PIP4K2C: variants seen among roughly 807,000 people sequenced by gnomAD.
PIP4K2C encodes the protein phosphatidylinositol-5-phosphate 4-kinase type 2 gamma.
PIP4K2C carries 21 observed loss-of-function variants against 45.0 expected under a neutral mutation model. The observed-to-expected ratio is 0.47, with a 90% CI of 0.33 to 0.67. The LOEUF (loss-of-function observed/expected upper bound fraction) is 0.67. PIP4K2C is among the 30% of genes least tolerant of loss of function. PIP4K2C has a pLI of 0.02. For synonymous variants in PIP4K2C, 201 were observed against 204.8 expected (o/e 0.98, Z 0.16); for missense variants, 456 against 542.8 (o/e 0.84, Z 1.59).
At chr12:57,593,013 G>A (rs1351804358) in intron 1 of PIP4K2C, among the ~76,000 whole-genome samples, 1 of 151,564 alleles carries the variant, frequency 6.6e-6, no homozygotes, top group Non-Finnish European at 1.5e-5. Flanking sequence ...GCAGTTCATA[G>A]CCTCTGTGGA....
intron 1 of PIP4K2C, among the ~76,000 whole-genome samples, chr12:57,592,857 A>G (rs537193085): frequency 1.3e-5 from 2 of 151,236 alleles, no homozygotes; most frequent in African/African-American, 2.4e-5. Flanking sequence ...AGGAGGGGGC[A>G]GGAGGAGCTA....
chr12:57,599,565 C>A, intron 6 of PIP4K2C, 127 bp downstream of exon 6: 1 of 1,092,242 alleles, frequency 9.2e-7, no homozygotes, highest in Non-Finnish European at 1.4e-6. Context: ...TTATCTTAAA[C>A]CACTTAAAAG....
In PIP4K2C at chr12:57,601,606, A is replaced by G. The variant is rs1428808477; in HGVS notation, c.1266A>G (p.Ter422=). Residue 422 remains the stop codon, a stop_retained_variant, in exon 10 of 10, where the codon TAA becomes TAG. Transcript: ENST00000354947. ...ATTTTATTACCAACATCTTTGCCTA[A>G]GAGACTGCCTGGTTCTCTCTGATGT... ...FLDFITNIFA[*] is the part of the protein sequence containing the mutation. The G allele has an allele frequency of 2.5e-6, 4 of 1,603,778 alleles. No individual in the cohort carries two copies. The highest frequency in any genetic ancestry group is 8.5e-7 in the Non-Finnish European group (1 of 1,170,752).
rs756416802 is a variant in PIP4K2C at position 57,601,339 on chromosome 12, C to T, written c.1176C>T (p.Val392=). Residue 392 remains valine, a synonymous_variant, in exon 9 of 10, where the codon GTC becomes GTT. Transcript: ENST00000354947. ...KKKAAHAAKT[V]KHGAGAEIST... ...AAGCAGCTCATGCAGCCAAAACTGTCAAGCATGGGGTGAGAGTTCGCAAAA... is the reference window on the plus strand; with the variant it reads ...AAGCAGCTCATGCAGCCAAAACTGTTAAGCATGGGGTGAGAGTTCGCAAAA... 5 of 1,612,502 alleles carry T rather than the reference C, an allele frequency of 3.1e-6. No individual in the cohort carries two copies. Among genetic ancestry groups the T allele is most frequent in the Admixed American group, 1.7e-5 (1 of 59,966 alleles).
chr12:57,600,503 T>C, intron 7 of PIP4K2C, 66 bp downstream of exon 7: 2 of 1,102,976 alleles, frequency 1.8e-6, no homozygotes, highest in Non-Finnish European at 2.7e-6. Context: ...GTTGTCTCTT[T>C]CATTCACGGT....
intron 1 of PIP4K2C, 107 bp from the exon 2 acceptor site, chr12:57,593,918 G>A: frequency 1.5e-6 from 1 of 685,168 alleles, no homozygotes; most frequent in Non-Finnish European, 2.5e-6. Flanking sequence ...TGTTTTTAAA[G>A]GAATGAGGTC....
rs778386138 is a variant in PIP4K2C at position 57,601,348 on chromosome 12, G to T, written c.1185G>T (p.Gly395=). Residue 395 remains glycine, a splice_region_variant and synonymous_variant, in exon 9 of 10, where the codon GGG becomes GGT. Transcript: ENST00000354947. ...AAHAAKTVKH[G]AGAEISTVHP... ...ATGCAGCCAAAACTGTCAAGCATGG[G>T]GTGAGAGTTCGCAAAAGCCTTTCCT... 2.5e-6 allele frequency: 4 copies of T among 1,610,104 alleles called. No homozygotes were observed. In the Admixed American group the frequency reaches 6.7e-5, roughly 27 times the overall value.
At chr12:57,597,508 T>A (rs1883242082) in intron 4 of PIP4K2C, among the ~76,000 whole-genome samples, 1 of 152,142 alleles carries the variant, frequency 6.6e-6, no homozygotes, top group Non-Finnish European at 1.5e-5. Context: ...CAGTAAGTGG[T>A]TGGGGTATGT....
In PIP4K2C at chr12:57,591,481, AC is replaced by A. The variant is rs774256997; in HGVS notation, c.174+23del. 4 of 1,599,208 alleles carry A rather than the reference AC, an allele frequency of 2.5e-6. No homozygotes were observed. The highest frequency in any genetic ancestry group is 1.7e-5 in the Admixed American group (1 of 59,052). ...CCCACTCGGTGAGAACCAGCCCTAG[AC>A]CCCCGCAGCCCTGTCCAAACCCCTC... is the stretch of plus-strand genomic sequence containing the variant. On this transcript the variant is annotated intron_variant, in intron 1 of 9. Transcript: ENST00000354947.
Position 57,601,722 on chromosome 12 carries a change from G to C in PIP4K2C, c.*116G>C. On this transcript the variant is annotated 3_prime_UTR_variant, in exon 10 of 10. Coordinates refer to ENST00000354947, the MANE Select transcript of PIP4K2C (RefSeq NM_024779.5). ...CTTCCTTTGCTAAATTCAGGCTGCA[G>C]GCTCCTTCCATCCAGATAACTCCAT... The C allele has an allele frequency of 2.2e-6, 2 of 890,842 alleles. No homozygotes were observed. Among genetic ancestry groups the C allele is most frequent in the Non-Finnish European group, 3.7e-6 (2 of 535,184 alleles). 55.2% of individuals were successfully genotyped at this position (890,842 alleles called of 1,614,324 possible).
intron 3 of PIP4K2C, 61 bp from the exon 4 acceptor site, chr12:57,595,827 A>G (rs971401549): frequency 1.2e-5 from 19 of 1,575,912 alleles, no homozygotes; most frequent in Non-Finnish European, 1.6e-5. Flanking sequence ...CCATTTTCCT[A>G]TGACTTGTTT....
rs759170288 is a variant in PIP4K2C, at chr12:57,600,950, C to A, written c.953C>A (p.Pro318His). The A allele has an allele frequency of 1.2e-5, 20 of 1,614,090 alleles. No homozygotes were observed. The highest frequency in any genetic ancestry group is 1.7e-5 in the Non-Finnish European group (20 of 1,180,052). Reference sequence around the variant, plus strand: ...GATGGGGACTGCAGCCTGACTGGACCTCCTGCTCTGGTGGGCTCCTATGGC... The same window carrying A: ...GATGGGGACTGCAGCCTGACTGGACATCCTGCTCTGGTGGGCTCCTATGGC... ...EVDGDCSLTGPPALVGSYGTS... is the reference protein window; with the variant it reads ...EVDGDCSLTGHPALVGSYGTS... Residue 318 changes from proline (P) to histidine (H), a missense_variant, in exon 8 of 10, where the codon CCT (proline) becomes CAT (histidine). Coordinates refer to ENST00000354947, the MANE Select transcript of PIP4K2C (RefSeq NM_024779.5).
chr12:57,596,502 T>TA (rs1883202098), intron 4 of PIP4K2C, among the ~76,000 whole-genome samples: 1 of 90,630 alleles, frequency 1.1e-5, no homozygotes, highest in South Asian at 5.4e-4. Flanking sequence ...AAAAAAAAGA[T>TA]TAAAAAAAAA....
chr12:57,598,998 C>T (rs1883309209), intron 4 of PIP4K2C, 67 bp from the exon 5 acceptor site: 1 of 1,532,270 alleles, frequency 6.5e-7, no homozygotes, highest in African/African-American at 1.4e-5. Context: ...AGTGTTTGAA[C>T]TTCCCTGGGC....
At chr12:57,591,597 A>C in intron 1 of PIP4K2C, 134 bp downstream of exon 1, 4 of 1,003,722 alleles carry the variant, frequency 4.0e-6, no homozygotes, top group Non-Finnish European at 5.6e-6. Flanking sequence ...GTCCCTGCCC[A>C]CCAACCCCAG....
Position 57,601,941 on chromosome 12 carries a change from G to T in PIP4K2C, c.*335G>T. The T allele has an allele frequency of 3.3e-6, 1 of 300,984 alleles. No individual in the cohort carries two copies. The highest frequency in any genetic ancestry group is 6.3e-6 in the Non-Finnish European group (1 of 157,820). 18.6% of individuals were successfully genotyped at this position (300,984 alleles called of 1,614,324 possible). ...TATGATATAGGAGCTAGGGGAAGGGGGTTGTTTGCCTTCTTCAGGACCTGA... is the reference window on the plus strand; with the variant it reads ...TATGATATAGGAGCTAGGGGAAGGGTGTTGTTTGCCTTCTTCAGGACCTGA... On this transcript the variant is annotated 3_prime_UTR_variant, in exon 10 of 10. Transcript: ENST00000354947.
chr12:57,601,752 T>C lies in PIP4K2C; in HGVS notation c.*146T>C. On this transcript the variant is annotated 3_prime_UTR_variant, in exon 10 of 10. Coordinates refer to ENST00000354947, the MANE Select transcript of PIP4K2C (RefSeq NM_024779.5). ...CTTCCATCCAGATAACTCCATCCTG[T>C]CGAGTAGGCTCTTTCTGACCCTCAG... 1.5e-6 allele frequency: 1 copy of C among 688,756 alleles called. No homozygotes were observed. Among genetic ancestry groups the C allele is most frequent in the Non-Finnish European group, 2.6e-6 (1 of 388,560 alleles). 42.7% of individuals were successfully genotyped at this position (688,756 alleles called of 1,614,324 possible).
intron 1 of PIP4K2C, among the ~76,000 whole-genome samples, chr12:57,593,696 T>G (rs1883066466): frequency 1.8e-5 from 2 of 111,304 alleles, no homozygotes; most frequent in African/African-American, 3.2e-5. Flanking sequence ...TTTTTTTTTT[T>G]TTTTTTTTTT....
At position 57,601,070 on chromosome 12, in the gene PIP4K2C, G is replaced by A. The variant is rs1386925722; in HGVS notation, c.1073G>A (p.Ser358Asn). 1 of 1,612,890 alleles carries A rather than the reference G, an allele frequency of 6.2e-7. No individual in the cohort carries two copies. The highest frequency in any genetic ancestry group is 2.2e-5 in the East Asian group (1 of 44,858). The change falls in exon 8 of 10, where the codon AGT (serine) becomes AAT (asparagine). Residue 358 changes from serine (S) to asparagine (N), a missense_variant. This residue lies in a region of PIP4K2C where 421 missense variants were observed against 473.1 expected (regional missense o/e 0.89). Coordinates refer to ENST00000354947, the MANE Select transcript of PIP4K2C (RefSeq NM_024779.5). ...ESFIDVYAIR[S>N]AEGAPQKEVY... ...TTCATTGATGTCTATGCCATCCGGA[G>A]TGCTGAAGGTGAGAGAACCGGGACA...
Sources: gnomAD v4.1 joint callset for allele counts (sites outside exome capture counted in the v4.1 genomes callset) on GRCh38, gnomAD v4.1.1 for gene constraint, gnomAD v4.1.1 regional missense constraint, MANE v1.5 for transcripts, NCBI Gene and HGNC (gene_info 2026-07-23, HGNC 2026-07-21) for gene names.